The following CSMD1 variants were observed in gnomAD, a reference collection of about 807,000 sequenced individuals.
CSMD1 encodes the protein CUB and Sushi multiple domains 1.
CSMD1 carries 213 observed loss-of-function variants against 417.5 expected under a neutral mutation model. That is an observed-to-expected ratio of 0.51 (90% CI 0.46 to 0.57). CSMD1 has a LOEUF of 0.57. CSMD1 is among the 20% of genes least tolerant of loss of function. The probability of loss-of-function intolerance (pLI) is 0.00; values close to 1 mark genes in which losing one functional copy is unlikely to be tolerated. For missense variants in CSMD1, 6,923 were observed against 4,529.7 expected (o/e 1.53, Z -15.17); for synonymous variants, 2,862 against 1,736.8 (o/e 1.65, Z -16.11).
intron 51 of CSMD1, among the ~76,000 whole-genome samples, chr8:3,018,877 G>A (rs1258952987): frequency 2.0e-5 from 3 of 152,028 alleles, no homozygotes; most frequent in Non-Finnish European, 4.4e-5. Context: ...AAAGCTTAAC[G>A]TGGATTCCAA....
chr8:3,516,804 C>T (rs1797300731), intron 10 of CSMD1, among the ~76,000 whole-genome samples: 1 of 151,974 alleles, frequency 6.6e-6, no homozygotes, highest in African/African-American at 2.4e-5. Flanking sequence ...ACCATTTGGC[C>T]CAACAATCCC....
intron 5 of CSMD1, among the ~76,000 whole-genome samples, chr8:3,984,270 T>C (rs919396696): frequency 5.9e-5 from 9 of 152,312 alleles, no homozygotes; most frequent in Admixed American, 3.3e-4. Flanking sequence ...AAATGTCACA[T>C]TGATGTCCCC....
chr8:3,003,893 A>C (rs1264589039), intron 52 of CSMD1, among the ~76,000 whole-genome samples: 1 of 152,194 alleles, frequency 6.6e-6, no homozygotes, highest in Non-Finnish European at 1.5e-5. Flanking sequence ...GCATCTGTTA[A>C]AATATGAAGA....
intron 1 of CSMD1, among the ~76,000 whole-genome samples, chr8:4,935,206 C>G (rs1177757288): frequency 6.6e-6 from 1 of 152,194 alleles, no homozygotes; most frequent in Non-Finnish European, 1.5e-5. Flanking sequence ...TCTGCCTTCC[C>G]ATATGTGGTC....
intron 3 of CSMD1, among the ~76,000 whole-genome samples, chr8:4,417,306 T>G (rs1243490808): frequency 6.6e-6 from 1 of 152,080 alleles, no homozygotes. Flanking sequence ...TAGTTCCATG[T>G]GTGAATAATA....
intron 2 of CSMD1, among the ~76,000 whole-genome samples, chr8:4,606,765 A>G (rs1282794141): frequency 6.6e-6 from 1 of 152,204 alleles, no homozygotes; most frequent in Admixed American, 6.5e-5. Flanking sequence ...AGGGATAGTA[A>G]ATTTTCAAAT....
chr8:3,551,210 T>C (rs910772356), intron 10 of CSMD1, among the ~76,000 whole-genome samples: 1 of 152,216 alleles, frequency 6.6e-6, no homozygotes, highest in African/African-American at 2.4e-5. Context: ...TGAACATAAT[T>C]ACTTAAAGTT....
In CSMD1 at chr8:4,140,433, G is replaced by A. The variant is rs986865237; in HGVS notation, c.416-108334C>T. On this transcript the variant is annotated intron_variant, in intron 3 of 69. Coordinates refer to ENST00000635120, the MANE Select transcript of CSMD1 (RefSeq NM_033225.6). ...GAATTGCTTGAACCTGGGAAGTGGA[G>A]GTTGCCGTGAGCCAAGATCAAACAT... Among the ~76,000 whole-genome samples, 5 of 150,926 alleles carry A rather than the reference G, an allele frequency of 3.3e-5. 1 individual carries two copies. Among genetic ancestry groups the A allele is most frequent in the African/African-American group, 9.9e-5 (4 of 40,280 alleles).
chr8:3,403,111 T>C (rs779819124), intron 15 of CSMD1, among the ~76,000 whole-genome samples: 5 of 152,234 alleles, frequency 3.3e-5, no homozygotes, highest in Non-Finnish European at 5.9e-5. Context: ...ATTGGAATAT[T>C]ACAGGGCATG....
At chr8:2,979,021 C>G (rs528073611) in intron 54 of CSMD1, among the ~76,000 whole-genome samples, 1 of 152,174 alleles carries the variant, frequency 6.6e-6, no homozygotes, top group Non-Finnish European at 1.5e-5. Context: ...GCAATTTTCA[C>G]GTGAGGCTAA....
At chr8:4,293,080 G>A (rs889453622) in intron 3 of CSMD1, among the ~76,000 whole-genome samples, 1 of 152,170 alleles carries the variant, frequency 6.6e-6, no homozygotes, top group Non-Finnish European at 1.5e-5. Flanking sequence ...GTAGAACCAT[G>A]CACTGCACAT....
intron 1 of CSMD1, among the ~76,000 whole-genome samples, chr8:4,829,817 G>C (rs1017914487): frequency 2.6e-5 from 4 of 151,646 alleles, no homozygotes; most frequent in Admixed American, 6.6e-5. Flanking sequence ...AGAACAGCAA[G>C]AAGCAGTCAG....
At chr8:3,758,354 T>G (rs183563394) in intron 5 of CSMD1, among the ~76,000 whole-genome samples, 1 of 152,214 alleles carries the variant, frequency 6.6e-6, no homozygotes, top group Non-Finnish European at 1.5e-5. Context: ...TCAAATGAAT[T>G]GTACCCCGAA....
At chr8:4,211,182 T>C (rs1206280578) in intron 3 of CSMD1, among the ~76,000 whole-genome samples, 1 of 151,602 alleles carries the variant, frequency 6.6e-6, no homozygotes, top group East Asian at 1.9e-4. Flanking sequence ...CTTGTACATG[T>C]ATTTCAGGGA....
At chr8:3,757,871 A>ACAAACAAAC in intron 5 of CSMD1, among the ~76,000 whole-genome samples, 1 of 149,130 alleles carries the variant, frequency 6.7e-6, no homozygotes, top group East Asian at 2.0e-4. Context: ...AAACAAACAA[A>ACAAACAAAC]AAAAACCAAC....
At chr8:4,148,330 G>C (rs1470718417) in intron 3 of CSMD1, among the ~76,000 whole-genome samples, 3 of 136,890 alleles carry the variant, frequency 2.2e-5, no homozygotes, top group Non-Finnish European at 3.1e-5. Flanking sequence ...AGAACACATA[G>C]ACAGAGGAAG....
At chr8:4,030,146 A>G (rs1797266542) in intron 4 of CSMD1, among the ~76,000 whole-genome samples, 1 of 152,164 alleles carries the variant, frequency 6.6e-6, no homozygotes, top group African/African-American at 2.4e-5. Context: ...GCAAGGTGTC[A>G]GTGGATCTAC....
intron 4 of CSMD1, among the ~76,000 whole-genome samples, chr8:4,023,583 CTTTT>C (rs35976423): frequency 2.3e-5 from 3 of 130,500 alleles, no homozygotes; most frequent in Admixed American, 8.1e-5. Context: ...TGCTTTTCAA[CTTTT>C]TTTTTTTTTT....
chr8:4,346,785 T>G (rs1283228390), intron 3 of CSMD1, among the ~76,000 whole-genome samples: 12 of 152,290 alleles, frequency 7.9e-5, no homozygotes, highest in South Asian at 2.1e-4. Flanking sequence ...GACAAGTCAG[T>G]GGTAAGCTCT....
Sources: allele counts gnomAD v4.1 joint callset (sites outside exome capture counted in the v4.1 genomes callset), GRCh38; gene constraint gnomAD v4.1.1; transcripts MANE v1.5; gene names NCBI Gene and HGNC (gene_info 2026-07-23, HGNC 2026-07-21).